SPPL2A: variants seen among roughly 807,000 people sequenced by gnomAD.
SPPL2A encodes the protein signal peptide peptidase like 2A, also known as signal peptide peptidase-like 2A.
A neutral mutation model predicts 63.8 loss-of-function variants in SPPL2A; 51 were observed. That is an observed-to-expected ratio of 0.80 (90% CI 0.64 to 1.01). SPPL2A has a LOEUF of 1.01. Ranked by LOEUF, SPPL2A falls within the 50% of genes least tolerant of loss-of-function variation. SPPL2A has a pLI of 0.00. For missense variants in SPPL2A, 553 were observed against 622.7 expected (o/e 0.89, Z 1.19); for synonymous variants, 188 against 205.8 (o/e 0.91, Z 0.74).
chr15:50,764,618 C>G (rs1377839534), intron 1 of SPPL2A: 1 of 152,148 alleles, frequency 6.6e-6, no homozygotes, highest in Non-Finnish European at 1.5e-5. Context: ...GCGTAAGTTT[C>G]CAACCTGAAA....
rs573970697 is a variant in SPPL2A at position 50,758,276 on chromosome 15, G to A, written c.66+7192C>T. ...TGCACTCCAGCCTGGGCGACAGAGC[G>A]AGACTCCATCTCAAAAAAAAAAAAA... On this transcript the variant is annotated intron_variant, in intron 1 of 14. Transcript: ENST00000261854. Among the ~76,000 whole-genome samples, 30 of 147,266 alleles carry A rather than the reference G, an allele frequency of 2.0e-4. No individual in the cohort carries two copies. In the South Asian group the frequency reaches 5.4e-3, roughly 26 times the overall value.
At chr15:50,727,966 A>T (rs1396780553) in intron 10 of SPPL2A, among the ~76,000 whole-genome samples, 2 of 152,218 alleles carry the variant, frequency 1.3e-5, no homozygotes, top group Non-Finnish European at 2.9e-5. Context: ...AAATAGGAAG[A>T]CGAAAAATTT....
At chr15:50,749,462 A>G (rs1266406312) in intron 2 of SPPL2A, among the ~76,000 whole-genome samples, 174 bp downstream of exon 2, 1 of 152,024 alleles carries the variant, frequency 6.6e-6, no homozygotes, top group Admixed American at 6.6e-5. Context: ...TAATTTTTGT[A>G]TTTTTAGTAG....
chr15:50,715,792 C>A (rs548562171), intron 14 of SPPL2A, among the ~76,000 whole-genome samples: 1 of 152,148 alleles, frequency 6.6e-6, no homozygotes, highest in Admixed American at 6.5e-5. Context: ...ATAATATTAA[C>A]CTACAAGACA....
chr15:50,736,938 C>T, intron 6 of SPPL2A, among the ~76,000 whole-genome samples, 198 bp from the exon 7 acceptor site: 1 of 149,446 alleles, frequency 6.7e-6, no homozygotes, highest in Non-Finnish European at 1.5e-5. Flanking sequence ...GAGTCTCACT[C>T]TGTCGCCCAG....
intron 1 of SPPL2A, among the ~76,000 whole-genome samples, chr15:50,761,913 C>T (rs901378965): frequency 2.6e-5 from 4 of 151,672 alleles, no homozygotes; most frequent in African/African-American, 4.8e-5. Flanking sequence ...GCCTAGGCTA[C>T]AGAGCAAGAC....
At position 50,725,877 on chromosome 15, in the gene SPPL2A, G is replaced by A. The variant is rs532653860; in HGVS notation, c.1146+444C>T. On this transcript the variant is annotated intron_variant, in intron 11 of 14. Transcript: ENST00000261854. ...GCTCAACACACATGTAGGATTAACA[G>A]TATTAACCAAGTATCCCCACATTTA... 11 of 311,420 alleles carry A rather than the reference G, an allele frequency of 3.5e-5. No individual in the cohort carries two copies. The East Asian group carries it at 4.6e-4, about 13-fold the overall frequency. The allele number at this position is 311,420 out of a possible 1,614,324, so 19.3% of individuals were successfully genotyped here.
intron 12 of SPPL2A, among the ~76,000 whole-genome samples, chr15:50,724,386 C>T (rs1006365254): frequency 1.3e-4 from 20 of 152,038 alleles, no homozygotes; most frequent in African/African-American, 4.6e-4. Flanking sequence ...ACCATCCTGG[C>T]TAACACGGTG....
chr15:50,714,652 T>C (rs1056451577), intron 14 of SPPL2A, among the ~76,000 whole-genome samples: 1 of 150,432 alleles, frequency 6.6e-6, no homozygotes, highest in Non-Finnish European at 1.5e-5. Context: ...AAAAAAATTT[T>C]TTTTCTTGGC....
chr15:50,763,898 G>GA (rs1209581270), intron 1 of SPPL2A, among the ~76,000 whole-genome samples: 1 of 151,452 alleles, frequency 6.6e-6, no homozygotes, highest in Non-Finnish European at 1.5e-5. Context: ...ACTCCGTCTC[G>GA]AAAAAAACAA....
At chr15:50,750,263 C>T (rs957603284) in intron 1 of SPPL2A, among the ~76,000 whole-genome samples, 8 of 152,070 alleles carry the variant, frequency 5.3e-5, no homozygotes, top group African/African-American at 1.9e-4. Flanking sequence ...GTTACCATGC[C>T]CAGCTAATTT....
In SPPL2A at chr15:50,749,707, C is replaced by T; in HGVS notation, c.106G>A (p.Gly36Ser). ...QEAILHASGN[G>S]TTKDYCMLYN... ...AGCATGCAGTAGTCCTTGGTTGTGC[C>T]ATTTCCAGACGCATGCAAGATTGCT... The change falls in exon 2 of 15, where the codon GGC becomes AGC. Residue 36 changes from glycine (G) to serine (S), a missense_variant. Physicochemically the swap from Gly to Ser is moderately conservative, Grantham distance 56. Coordinates refer to ENST00000261854, the MANE Select transcript of SPPL2A (RefSeq NM_032802.4). The T allele has an allele frequency of 5.6e-6, 9 of 1,613,768 alleles. No homozygotes were observed. Among genetic ancestry groups the T allele is most frequent in the Non-Finnish European group, 6.8e-6 (8 of 1,179,674 alleles).
intron 10 of SPPL2A, among the ~76,000 whole-genome samples, chr15:50,729,284 C>G (rs2062712417): frequency 6.6e-6 from 1 of 152,192 alleles, no homozygotes; most frequent in Admixed American, 6.6e-5. Flanking sequence ...ACCCATAATA[C>G]TAGTTCTATG....
Position 50,706,039 on chromosome 15 carries a change from T to TC in SPPL2A, c.*1760dup, listed in dbSNP as rs988626519. ...CCAAAGAATGGGGAAAAAACTTTTT[T>TC]CAAGTTGGAAGGTACCAGAGTGATT... On this transcript the variant is annotated 3_prime_UTR_variant, in exon 15 of 15. Coordinates refer to ENST00000261854, the MANE Select transcript of SPPL2A (RefSeq NM_032802.4). The TC allele has an allele frequency of 6.6e-6, 1 of 152,160 alleles. No homozygotes were observed. Among genetic ancestry groups the TC allele is most frequent in the Non-Finnish European group, 1.5e-5 (1 of 68,030 alleles). 9.4% of individuals were successfully genotyped at this position (152,160 alleles called of 1,614,324 possible). A position where few individuals can be genotyped will look rare whatever the true frequency, so the allele number is the denominator to read the frequency against.
Position 50,739,835 on chromosome 15 carries a change from A to G in SPPL2A, c.585-7T>C. The G allele has an allele frequency of 6.3e-7, 1 of 1,586,748 alleles. No homozygotes were observed. The highest frequency in any genetic ancestry group is 1.9e-5 in the Admixed American group (1 of 52,810). On this transcript the variant is annotated splice_polypyrimidine_tract_variant and splice_region_variant and intron_variant, in intron 5 of 14. Coordinates refer to ENST00000261854, the MANE Select transcript of SPPL2A (RefSeq NM_032802.4). ...CACTGCTTTCAAGTTTTCCCTGTAC[A>G]AACACACAGGAACTTTAGCAAATCT...
At position 50,718,332 on chromosome 15, in the gene SPPL2A, T is replaced by C. The variant is rs566055813; in HGVS notation, c.1488+1608A>G. Among the ~76,000 whole-genome samples, 4 of 152,222 alleles carry C rather than the reference T, an allele frequency of 2.6e-5. No individual in the cohort carries two copies. The East Asian group carries it at 7.7e-4, about 29-fold the overall frequency. On this transcript the variant is annotated intron_variant, in intron 14 of 14. Coordinates refer to ENST00000261854, the MANE Select transcript of SPPL2A (RefSeq NM_032802.4). The stretch of plus-strand genomic sequence containing the variant: ...AGGCCTCTTTCCAACTTGATCATCT[T>C]GTATCACCAATACCAAAAATAGTAT...
rs1191043791 is a variant in SPPL2A, at chr15:50,748,748, T to G, written c.300A>C (p.Lys100Asn). 28 of 1,612,062 alleles carry G rather than the reference T, an allele frequency of 1.7e-5. No individual in the cohort carries two copies. The highest frequency in any genetic ancestry group is 2.3e-5 in the Non-Finnish European group (27 of 1,179,202). Reference sequence around the variant, plus strand: ...CACCTCCTTTCTGTGCAATTCTGGCTTTTTCAAGAAAATGGCAGCTTCCCC... The same window carrying G: ...CACCTCCTTTCTGTGCAATTCTGGCGTTTTCAAGAAAATGGCAGCTTCCCC... ...VPWGSCHFLE[K>N]ARIAQKGGAE... The change falls in exon 3 of 15, where the codon AAA (lysine) becomes AAC (asparagine). Residue 100 changes from lysine to asparagine, a missense_variant. Lys to Asn is a moderately conservative substitution (Grantham distance 94). Coordinates refer to ENST00000261854, the MANE Select transcript of SPPL2A (RefSeq NM_032802.4).
At chr15:50,730,011 A>G (rs1206697415) in intron 10 of SPPL2A, among the ~76,000 whole-genome samples, 1 of 151,910 alleles carries the variant, frequency 6.6e-6, no homozygotes, top group Non-Finnish European at 1.5e-5. Flanking sequence ...AAAAAGAAGG[A>G]ATGATAAATA....
At position 50,743,536 on chromosome 15, in the gene SPPL2A, T is replaced by C. The variant is rs139116162; in HGVS notation, c.585-3708A>G. On this transcript the variant is annotated intron_variant, in intron 5 of 14. Coordinates refer to ENST00000261854, the MANE Select transcript of SPPL2A (RefSeq NM_032802.4). ...AATTTGTAAATTCTTTTTGTAGAGATGGGTCTCACTATGCTGCCCAGGCTG... is the reference window on the plus strand; with the variant it reads ...AATTTGTAAATTCTTTTTGTAGAGACGGGTCTCACTATGCTGCCCAGGCTG... Among the ~76,000 whole-genome samples the C allele has an allele frequency of 2.6e-3, 391 of 151,862 alleles. 4 individuals are homozygous for C. The highest frequency in any genetic ancestry group is 8.9e-3 in the African/African-American group (369 of 41,432).
Sources: gnomAD v4.1 joint callset for allele counts (sites outside exome capture counted in the v4.1 genomes callset) on GRCh38, gnomAD v4.1.1 for gene constraint, MANE v1.5 for transcripts, NCBI Gene and HGNC (gene_info 2026-07-23, HGNC 2026-07-21) for gene names.